The following PIK3CG variants were observed in gnomAD, a reference collection of about 807,000 sequenced individuals.
PIK3CG encodes phosphatidylinositol-4,5-bisphosphate 3-kinase catalytic subunit gamma, also known as phosphatidylinositol 4,5-bisphosphate 3-kinase catalytic subunit gamma isoform.
A neutral mutation model predicts 102.3 loss-of-function variants in PIK3CG; 55 were observed. The observed-to-expected ratio is 0.54, with a 90% confidence interval of 0.43 to 0.67. PIK3CG has a LOEUF of 0.67. Among genes scored for constraint, PIK3CG ranks in the 30% least tolerant of loss-of-function variants. The probability of loss-of-function intolerance (pLI) is 0.00; values close to 1 mark genes in which losing one functional copy is unlikely to be tolerated. For synonymous variants in PIK3CG, 552 were observed against 540.0 expected (o/e 1.02, Z -0.31); for missense variants, 1,258 against 1,391.8 (o/e 0.90, Z 1.53).
chr7:106,869,664 A>T lies in PIK3CG; in HGVS notation c.1995+108A>T. ...TCAAATGCCCTTTGTTCAGAGCTTC[A>T]TCATCGGCAAAAGTAGATATGATGA... On this transcript the variant is annotated intron_variant, in intron 2 of 10. Coordinates refer to ENST00000496166, the MANE Select transcript of PIK3CG (RefSeq NM_001282426.2). This position sits in a 1 kb window ranked among gnomAD's most constrained non-coding sequence, Gnocchi z 5.3. 1 of 897,580 alleles carries T rather than the reference A, an allele frequency of 1.1e-6. No homozygotes were observed. The highest frequency in any genetic ancestry group is 1.7e-6 in the Non-Finnish European group (1 of 597,632). 55.6% of individuals were successfully genotyped at this position (897,580 alleles called of 1,614,324 possible).
At chr7:106,898,895 T>C (rs2116600720) in intron 10 of PIK3CG, among the ~76,000 whole-genome samples, 1 of 152,366 alleles carries the variant, frequency 6.6e-6, no homozygotes, top group East Asian at 1.9e-4. Context: ...AATAGTTTTT[T>C]CTAGTTCTGT....
In PIK3CG at chr7:106,894,238, G is replaced by A. The variant is rs1791343741; in HGVS notation, c.3030+7946G>A. On this transcript the variant is annotated intron_variant, in intron 10 of 10. Transcript: ENST00000496166. This position sits in a 1 kb window ranked among gnomAD's most constrained non-coding sequence, Gnocchi z 4.4. ...AATCCTTTTTGGAACAAGGCTGAAG[G>A]ATAAATCACACACACACACACAGAC... 6.6e-6 allele frequency among the ~76,000 whole-genome samples: 1 copy of A among 151,970 alleles called. No homozygotes were observed. The highest frequency in any genetic ancestry group is 2.4e-5 in the African/African-American group (1 of 41,360).
chr7:106,900,341 T>C (rs1791513240), intron 10 of PIK3CG, among the ~76,000 whole-genome samples: 1 of 152,214 alleles, frequency 6.6e-6, no homozygotes, highest in Non-Finnish European at 1.5e-5. Flanking sequence ...TTGATCTTTG[T>C]TAGTTTGAAA....
intron 10 of PIK3CG, among the ~76,000 whole-genome samples, chr7:106,898,432 CTT>C (rs1313498833): frequency 6.6e-6 from 1 of 152,088 alleles, no homozygotes; most frequent in Non-Finnish European, 1.5e-5. Context: ...CTTTTGGTGT[CTT>C]TGTCATGAAA....
chr7:106,868,197 G>A lies in PIK3CG; in HGVS notation c.636G>A (p.Trp212Ter), dbSNP rs1417633134. 7.4e-6 allele frequency: 12 copies of A among 1,612,120 alleles called. No homozygotes were observed. Among genetic ancestry groups the A allele is most frequent in the Non-Finnish European group, 1.0e-5 (12 of 1,180,024 alleles). The change falls in exon 2 of 11, where the codon TGG becomes TGA. Residue 212 changes from tryptophan to a stop codon, truncating the protein, a stop_gained. Coordinates refer to ENST00000496166, the MANE Select transcript of PIK3CG (RefSeq NM_001282426.2). LOFTEE classifies it high-confidence loss of function. This position sits in a 1 kb window ranked among gnomAD's most constrained non-coding sequence, Gnocchi z 6.2. The part of the protein sequence containing the change: ...VTSKPLPEYL[W>*]KKIANNCIFI... ...CCAAGCCCCTCCCGGAGTACCTGTG[G>A]AAGAAGATTGCCAACAACTGCATCT...
In PIK3CG at chr7:106,902,264, G is replaced by C. The variant is rs1029621534; in HGVS notation, c.3031-2845G>C. On this transcript the variant is annotated intron_variant, in intron 10 of 10. Transcript: ENST00000496166. The surrounding 1 kb of genome is among the most constrained non-coding windows in gnomAD (Gnocchi z 4.3). ...TTTCCTGTCTTGTGTCAAGCAATGC[G>C]GGGGGTGTGTGGGATGCACGGGAGA... 1.3e-5 allele frequency among the ~76,000 whole-genome samples: 2 copies of C among 152,214 alleles called. No homozygotes were observed. The highest frequency in any genetic ancestry group is 1.9e-4 in the East Asian group (1 of 5,170).
Position 106,869,883 on chromosome 7 carries a change from G to T in PIK3CG, c.1995+327G>T, listed in dbSNP as rs1345765593. On this transcript the variant is annotated intron_variant, in intron 2 of 10. Transcript: ENST00000496166. The surrounding 1 kb of genome is among the most constrained non-coding windows in gnomAD (Gnocchi z 5.3). ...GCTTTCTTGTGCCAAGGCTCCAAGT[G>T]ACTGACATGCTTTCAGTGTATTATC... Among the ~76,000 whole-genome samples, 3 of 152,136 alleles carry T rather than the reference G, an allele frequency of 2.0e-5. No homozygotes were observed. Among genetic ancestry groups the T allele is most frequent in the African/African-American group, 7.2e-5 (3 of 41,428 alleles).
rs2116434477 is a variant in PIK3CG, at chr7:106,868,235, A to C, written c.674A>C (p.His225Pro). 1 of 1,612,918 alleles carries C rather than the reference A, an allele frequency of 6.2e-7. No individual in the cohort carries two copies. Among genetic ancestry groups the C allele is most frequent in the Non-Finnish European group, 8.5e-7 (1 of 1,180,006 alleles). Residue 225 changes from histidine to proline, a missense_variant, in exon 2 of 11, where the codon CAC (histidine) becomes CCC (proline). Physicochemically the swap from His to Pro is moderately conservative, Grantham distance 77. Coordinates refer to ENST00000496166, the MANE Select transcript of PIK3CG (RefSeq NM_001282426.2). This position sits in a 1 kb window ranked among gnomAD's most constrained non-coding sequence, Gnocchi z 6.2. Reference sequence around the variant, plus strand: ...AACAACTGCATCTTCATCGTCATTCACCGCAGCACCACCAGCCAGACCATT... The same window carrying C: ...AACAACTGCATCTTCATCGTCATTCCCCGCAGCACCACCAGCCAGACCATT... ...IANNCIFIVIHRSTTSQTIKV... is the reference protein window; with the variant it reads ...IANNCIFIVIPRSTTSQTIKV...
intron 5 of PIK3CG, among the ~76,000 whole-genome samples, chr7:106,876,747 C>CT (rs762194030): frequency 6.6e-6 from 1 of 152,066 alleles, no homozygotes; most frequent in Non-Finnish European, 1.5e-5. Context: ...GATACAAATT[C>CT]TTTATCAGAT....
At chr7:106,889,562 A>T (rs1791214741) in intron 10 of PIK3CG, among the ~76,000 whole-genome samples, 3 of 152,208 alleles carry the variant, frequency 2.0e-5, no homozygotes, top group African/African-American at 7.2e-5. Context: ...AGGTGTCCTC[A>T]TTTCCAGTGA....
intron 5 of PIK3CG, among the ~76,000 whole-genome samples, chr7:106,878,971 C>G (rs569657073): frequency 6.6e-6 from 1 of 152,270 alleles, no homozygotes; most frequent in African/African-American, 2.4e-5. Flanking sequence ...CCACATTTCC[C>G]CTGCCTTGAA....
In PIK3CG at chr7:106,905,104, T is replaced by A. The variant is rs374535699; in HGVS notation, c.3031-5T>A. On this transcript the variant is annotated splice_region_variant and splice_polypyrimidine_tract_variant and intron_variant, in intron 10 of 10. Transcript: ENST00000496166. This position sits in a 1 kb window ranked among gnomAD's most constrained non-coding sequence, Gnocchi z 5.6. ...AGTAACAGCATTTTCTTCTTCTTTA[T>A]CCAGGACATCTGTGTTAAGGCTTAT... 16 of 1,611,634 alleles carry A rather than the reference T, an allele frequency of 9.9e-6. No individual in the cohort carries two copies. Among genetic ancestry groups the A allele is most frequent in the Admixed American group, 8.4e-5 (5 of 59,814 alleles).
Position 106,907,799 on chromosome 7 carries a change from A to G in PIK3CG, c.*2412A>G, listed in dbSNP as rs913639345. Among the ~76,000 whole-genome samples the G allele has an allele frequency of 2.0e-5, 2 of 102,292 alleles. No individual in the cohort carries two copies. Among genetic ancestry groups the G allele is most frequent in the African/African-American group, 5.9e-5 (2 of 33,798 alleles). 67.1% of individuals were successfully genotyped at this position (102,292 alleles called of 152,430 possible). ...ATGCTAATATATATATATCACACATATATATCACAGTTTTATATATATATA... is the reference window on the plus strand; with the variant it reads ...ATGCTAATATATATATATCACACATGTATATCACAGTTTTATATATATATA... On this transcript the variant is annotated 3_prime_UTR_variant, in exon 11 of 11. Coordinates refer to ENST00000496166, the MANE Select transcript of PIK3CG (RefSeq NM_001282426.2).
chr7:106,900,223 T>C (rs1791508278), intron 10 of PIK3CG, among the ~76,000 whole-genome samples: 1 of 152,106 alleles, frequency 6.6e-6, no homozygotes, highest in Admixed American at 6.5e-5. Flanking sequence ...ATTGTGTTTA[T>C]TTGGATTATA....
rs184702557 is a variant in PIK3CG at position 106,897,853 on chromosome 7, C to G, written c.3031-7256C>G. Among the ~76,000 whole-genome samples the G allele has an allele frequency of 2.7e-3, 413 of 152,134 alleles. 1 individual carries two copies. Among genetic ancestry groups the G allele is most frequent in the Non-Finnish European group, 4.8e-3 (327 of 67,972 alleles). On this transcript the variant is annotated intron_variant, in intron 10 of 10. Coordinates refer to ENST00000496166, the MANE Select transcript of PIK3CG (RefSeq NM_001282426.2). The surrounding 1 kb of genome is among the most constrained non-coding windows in gnomAD (Gnocchi z 4.6). ...GCTGCAGTGAATATTTCTGTACATG[C>G]GTTTTTATGGTAGAATGATTTCTAT...
rs367817179 is a variant in PIK3CG at position 106,867,982 on chromosome 7, C to G, written c.421C>G (p.His141Asp). ...SPGQIHLVQR[H>D]PPSEESQAFQ... ...GGGCCAGATCCACCTGGTGCAGCGGCACCCGCCCTCCGAGGAGTCCCAAGC... is the reference window on the plus strand; with the variant it reads ...GGGCCAGATCCACCTGGTGCAGCGGGACCCGCCCTCCGAGGAGTCCCAAGC... Residue 141 changes from histidine to aspartate, a missense_variant, in exon 2 of 11, where the codon CAC becomes GAC. By Grantham distance (81) the His-to-Asp change is moderately conservative. This residue lies in a region of PIK3CG where 832 missense variants were observed against 787.5 expected (regional missense o/e 1.06). Coordinates refer to ENST00000496166, the MANE Select transcript of PIK3CG (RefSeq NM_001282426.2). The surrounding 1 kb of genome is among the most constrained non-coding windows in gnomAD (Gnocchi z 5.1). 1 of 1,612,140 alleles carries G rather than the reference C, an allele frequency of 6.2e-7. No homozygotes were observed. The highest frequency in any genetic ancestry group is 1.7e-5 in the Admixed American group (1 of 59,968).
chr7:106,888,076 G>A (rs1464408644), intron 10 of PIK3CG, among the ~76,000 whole-genome samples: 1 of 151,420 alleles, frequency 6.6e-6, no homozygotes, highest in East Asian at 1.9e-4. Context: ...GAGTAGCTGG[G>A]ACTACACGTC....
At chr7:106,904,960 C>T (rs909627777) in intron 10 of PIK3CG, 149 bp from the exon 11 acceptor site, 6 of 682,902 alleles carry the variant, frequency 8.8e-6, no homozygotes, top group African/African-American at 3.6e-5. Context: ...AACAGTTTCT[C>T]ATCAAGTTTT....
At chr7:106,882,369 G>A (rs752342999) in intron 7 of PIK3CG, among the ~76,000 whole-genome samples, 162 bp downstream of exon 7, 4 of 152,126 alleles carry the variant, frequency 2.6e-5, no homozygotes, top group Non-Finnish European at 5.9e-5. Context: ...AATTTAATGT[G>A]GATATATTGA....
Sources: allele counts gnomAD v4.1 joint callset (sites outside exome capture counted in the v4.1 genomes callset), GRCh38; gene constraint gnomAD v4.1.1; regional missense constraint gnomAD v4.1.1; non-coding constraint Gnocchi (gnomAD v3.1); transcripts MANE v1.5; gene names NCBI Gene and HGNC (gene_info 2026-07-23, HGNC 2026-07-21).